The following IQSEC1 variants were observed in gnomAD, a reference collection of about 807,000 sequenced individuals.
IQSEC1 encodes the protein IQ motif and SEC7 domain-containing protein 1.
In IQSEC1, 31 loss-of-function variants were observed where a neutral mutation model predicts 91.0. The observed-to-expected ratio is 0.34, with a 90% CI of 0.26 to 0.46. The LOEUF is 0.46. Ranked by LOEUF, IQSEC1 falls within the 20% of genes least tolerant of loss-of-function variation. IQSEC1 has a pLI of 1.00. For synonymous variants in IQSEC1, 699 were observed against 662.6 expected (o/e 1.05, Z -0.84); for missense variants, 1,388 against 1,575.6 (o/e 0.88, Z 2.02).
intron 1 of IQSEC1, among the ~76,000 whole-genome samples, chr3:13,278,991 C>T (rs1695742022): frequency 6.6e-6 from 1 of 152,128 alleles, no homozygotes; most frequent in African/African-American, 2.4e-5. Context: ...GCACCTGCCT[C>T]GTAGGAGTGA....
chr3:13,242,238 G>A lies in IQSEC1; in HGVS notation c.272+40473C>T, dbSNP rs977662826. 2.6e-5 allele frequency among the ~76,000 whole-genome samples: 4 copies of A among 152,158 alleles called. No individual in the cohort carries two copies. The East Asian group carries it at 5.8e-4, about 22-fold the overall frequency. ...CTCGAGCTGGTCTCCAGGTCTCCGC[G>A]GCTGTGATGCGGGTGAGCTGCTCAG... On this transcript the variant is annotated intron_variant, in intron 1 of 15. Transcript: ENST00000648114.
In IQSEC1 at chr3:12,908,442, G is replaced by A; in HGVS notation, c.2662C>T (p.Leu888=). 1 of 1,613,552 alleles carries A rather than the reference G, an allele frequency of 6.2e-7. No individual in the cohort carries two copies. The highest frequency in any genetic ancestry group is 8.5e-7 in the Non-Finnish European group (1 of 1,180,036). Residue 888 remains leucine, a synonymous_variant, in exon 12 of 14, where the codon CTG becomes TTG. Coordinates refer to ENST00000613206, the MANE Select transcript of IQSEC1 (RefSeq NM_001134382.3). This position sits in a 1 kb window ranked among gnomAD's most constrained non-coding sequence, Gnocchi z 4.9. ...SLKKESGNGT[L]SRACLDDSYA... ...CTGTCGTCCAGGCAGGCCCGGCTCA[G>A]TGTTCCGTTGCCCGACTCCTTTTTG...
chr3:13,037,311 G>A (rs185015238), intron 1 of IQSEC1, among the ~76,000 whole-genome samples: 3 of 152,208 alleles, frequency 2.0e-5, no homozygotes, highest in Admixed American at 6.5e-5. Context: ...ATAAATGCCC[G>A]CAGCCAAGCA....
intron 1 of IQSEC1, among the ~76,000 whole-genome samples, chr3:12,943,276 C>T (rs1355529182): frequency 2.6e-5 from 4 of 152,184 alleles, no homozygotes; most frequent in Non-Finnish European, 5.9e-5. Flanking sequence ...CATCTCCAAG[C>T]ACCATGGGGG....
chr3:13,093,261 A>G lies in IQSEC1; in HGVS notation c.303-45739T>C, dbSNP rs573733467. ...GTCCCTCAGCCAGAGCCTCAGCCCC[A>G]TACCTGACAAGACTAATCGGGCTCA... is the stretch of plus-strand genomic sequence containing the variant. On this transcript the variant is annotated intron_variant, in intron 2 of 15. Coordinates refer to the IQSEC1 transcript ENST00000648114. Among the ~76,000 whole-genome samples the G allele has an allele frequency of 9.9e-5, 15 of 152,236 alleles. No individual in the cohort carries two copies. In the East Asian group the frequency reaches 2.3e-3, roughly 24 times the overall value.
In IQSEC1 at chr3:13,086,136, C is replaced by G. The variant is rs532333606; in HGVS notation, c.303-38614G>C. Among the ~76,000 whole-genome samples, 180 of 152,300 alleles carry G rather than the reference C, an allele frequency of 1.2e-3. 1 individual carries two copies. Among genetic ancestry groups the G allele is most frequent in the Non-Finnish European group, 1.4e-3 (96 of 68,026 alleles). On this transcript the variant is annotated intron_variant, in intron 2 of 15. Coordinates refer to the IQSEC1 transcript ENST00000648114. Reference sequence around the variant, plus strand: ...GCAGGCATGGATGCTGCCCTCAGACCTCAGCTCAGATTCTGATCACCGCTT... The same window carrying G: ...GCAGGCATGGATGCTGCCCTCAGACGTCAGCTCAGATTCTGATCACCGCTT...
At position 13,193,275 on chromosome 3, in the gene IQSEC1, G is replaced by T. The variant is rs1694067376; in HGVS notation, c.273-29142C>A. Among the ~76,000 whole-genome samples the T allele has an allele frequency of 6.6e-6, 1 of 152,252 alleles. No individual in the cohort carries two copies. The highest frequency in any genetic ancestry group is 2.4e-5 in the African/African-American group (1 of 41,464). ...GGAGTTCAACAGATCCACAGCTTCAGCCCCACTGATGACTGCGCTTCTGAG... is the reference window on the plus strand; with the variant it reads ...GGAGTTCAACAGATCCACAGCTTCATCCCCACTGATGACTGCGCTTCTGAG... On this transcript the variant is annotated intron_variant, in intron 1 of 15. Coordinates refer to the IQSEC1 transcript ENST00000648114. The surrounding 1 kb of genome is among the most constrained non-coding windows in gnomAD (Gnocchi z 4.2).
intron 1 of IQSEC1, among the ~76,000 whole-genome samples, chr3:13,180,666 G>C (rs865792335): frequency 0.022 from 3,254 of 149,224 alleles, 171 homozygotes; most frequent in African/African-American, 0.079. Flanking sequence ...TTTATGAGCT[G>C]TAACACTCAC....
At chr3:13,013,708 A>G (rs1488390261) in intron 1 of IQSEC1, among the ~76,000 whole-genome samples, 1 of 151,858 alleles carries the variant, frequency 6.6e-6, no homozygotes, top group African/African-American at 2.4e-5. Flanking sequence ...ACTCCCCAAC[A>G]CCAAGAAGGG....
intron 1 of IQSEC1, among the ~76,000 whole-genome samples, chr3:13,278,256 C>A (rs572634064): frequency 5.3e-5 from 8 of 152,242 alleles, no homozygotes; most frequent in East Asian, 3.9e-4. Flanking sequence ...CTTCCCCCCC[C>A]CACCCCCAGC....
chr3:12,902,578 G>C (rs1408662836), intron 13 of IQSEC1, among the ~76,000 whole-genome samples, 195 bp downstream of exon 13: 1 of 150,456 alleles, frequency 6.6e-6, no homozygotes, highest in Non-Finnish European at 1.5e-5. Flanking sequence ...ACATGCACAG[G>C]GTTCCAGGCA....
At chr3:13,026,539 G>A (rs943612860) in intron 1 of IQSEC1, among the ~76,000 whole-genome samples, 1 of 152,236 alleles carries the variant, frequency 6.6e-6, no homozygotes, top group Non-Finnish European at 1.5e-5. Context: ...CAAAACTGTG[G>A]AGCCTGGTGG....
At chr3:13,223,930 G>C (rs1310427928) in intron 1 of IQSEC1, among the ~76,000 whole-genome samples, 1 of 152,148 alleles carries the variant, frequency 6.6e-6, no homozygotes, top group Non-Finnish European at 1.5e-5. Flanking sequence ...AGCTTTGGAA[G>C]GGAATGTTGG....
chr3:13,250,180 T>C, intron 1 of IQSEC1, among the ~76,000 whole-genome samples: 1 of 152,170 alleles, frequency 6.6e-6, no homozygotes, highest in Non-Finnish European at 1.5e-5. Flanking sequence ...GTAAAAGCTC[T>C]GCAGATTCAA....
rs1576128721 is a variant in IQSEC1 at position 12,992,523 on chromosome 3, C to T, written c.24-50658G>A. 6.6e-6 allele frequency among the ~76,000 whole-genome samples: 1 copy of T among 152,312 alleles called. No individual in the cohort carries two copies. Among genetic ancestry groups the T allele is most frequent in the East Asian group, 1.9e-4 (1 of 5,190 alleles). On this transcript the variant is annotated intron_variant, in intron 1 of 13. Coordinates refer to ENST00000613206, the MANE Select transcript of IQSEC1 (RefSeq NM_001134382.3). The surrounding 1 kb of genome is among the most constrained non-coding windows in gnomAD (Gnocchi z 4.1). ...GACGAGAAAGCTATTCCTGTGTCAC[C>T]TTAATTCAGAATTGTTCAGAGGGGG...
At chr3:13,072,908 A>C (rs463268) in intron 1 of IQSEC1, 84 bp downstream of exon 1, 273,369 of 1,265,196 alleles carry the variant, frequency 0.22, 31,022 homozygotes, top group African/African-American at 0.34. Flanking sequence ...CCCCTCCCCC[A>C]ACGATGCCCC....
chr3:13,052,804 A>G (rs1176050919), intron 1 of IQSEC1, among the ~76,000 whole-genome samples: 3 of 151,908 alleles, frequency 2.0e-5, no homozygotes, highest in African/African-American at 7.3e-5. Flanking sequence ...TTATTACTGA[A>G]CCCAGCCAAC....
At chr3:13,175,147 A>C (rs534759734) in intron 1 of IQSEC1, among the ~76,000 whole-genome samples, 67 of 152,248 alleles carry the variant, frequency 4.4e-4, no homozygotes, top group African/African-American at 1.5e-3. Context: ...CAGCTACTCC[A>C]ACCACTGCTG....
intron 2 of IQSEC1, 129 bp from the exon 3 acceptor site, chr3:12,936,826 C>T: frequency 1.3e-6 from 1 of 794,154 alleles, no homozygotes; most frequent in Admixed American, 2.9e-5. Flanking sequence ...GTCAAAGCAA[C>T]TGCTGAGGGA....
Sources: allele counts gnomAD v4.1 joint callset (sites outside exome capture counted in the v4.1 genomes callset), GRCh38; gene constraint gnomAD v4.1.1; non-coding constraint Gnocchi (gnomAD v3.1); transcripts MANE v1.5; gene names NCBI Gene and HGNC (gene_info 2026-07-23, HGNC 2026-07-21).